Variants in RNLS observed in about 807,000 individuals in gnomAD.
The protein encoded by RNLS is renalase.
In RNLS, 39 loss-of-function variants were observed where a neutral mutation model predicts 39.8. The observed-to-expected ratio is 0.98, with a 90% CI of 0.76 to 1.28. The LOEUF (loss-of-function observed/expected upper bound fraction) is 1.28, where lower values mean the gene tolerates loss of function less well. Among genes scored for constraint, RNLS ranks in the 50% most tolerant of loss-of-function variants. The probability of loss-of-function intolerance (pLI) is 0.00; values close to 1 mark genes in which losing one functional copy is unlikely to be tolerated. For missense variants in RNLS, 410 were observed against 413.3 expected, an observed-to-expected ratio of 0.99 and a Z score of 0.07; for synonymous variants, 147 against 150.7, an observed-to-expected ratio of 0.98 and a Z score of 0.18.
At chr10:88,324,886 G>A (rs1846470360) in intron 5 of RNLS, among the ~76,000 whole-genome samples, 1 of 152,100 alleles carries the variant, frequency 6.6e-6, no homozygotes, top group Admixed American at 6.5e-5. Flanking sequence ...TCGTATAAAT[G>A]GAGTCATACA....
intron 4 of RNLS, among the ~76,000 whole-genome samples, chr10:88,431,570 C>T (rs1020844838): frequency 6.6e-6 from 1 of 151,534 alleles, no homozygotes. Context: ...AATGAGGTTA[C>T]TGATTTGAGA....
At chr10:88,391,395 T>C (rs578005599) in intron 4 of RNLS, among the ~76,000 whole-genome samples, 14 of 152,092 alleles carry the variant, frequency 9.2e-5, no homozygotes, top group Admixed American at 3.9e-4. Context: ...CCATCTCTAC[T>C]AAAAATACAA....
At chr10:88,235,591 A>G in the RNLS span, among the ~76,000 whole-genome samples, 1 of 152,092 alleles carries the variant, frequency 6.6e-6, no homozygotes, top group Non-Finnish European at 1.5e-5. Flanking sequence ...AATTTATACA[A>G]CCCCACTTCA....
intron 4 of RNLS, among the ~76,000 whole-genome samples, chr10:88,513,491 A>C (rs1846251477): frequency 6.6e-6 from 1 of 152,142 alleles, no homozygotes; most frequent in South Asian, 2.1e-4. Flanking sequence ...TCTATAAATA[A>C]TATTTTAGTA....
Position 88,404,252 on chromosome 10 carries a change from A to C in RNLS, c.527-41527T>G, listed in dbSNP as rs539134759. Among the ~76,000 whole-genome samples, 20 of 152,150 alleles carry C rather than the reference A, an allele frequency of 1.3e-4. No homozygotes were observed. In the South Asian group the frequency reaches 2.1e-3, roughly 16 times the overall value. ...TTGAAAGGCTTCAGTGTATTGTAGA[A>C]AGTGCATGCAACTGAGAATCAATTG... is the stretch of plus-strand genomic sequence containing the variant. On this transcript the variant is annotated intron_variant, in intron 4 of 6. Coordinates refer to ENST00000331772, the MANE Select transcript of RNLS (RefSeq NM_001031709.3).
chr10:88,187,837 G>A, the RNLS span, among the ~76,000 whole-genome samples: 37 of 152,114 alleles, frequency 2.4e-4, no homozygotes, highest in Non-Finnish European at 4.7e-4. Context: ...CTTACTTTCT[G>A]ACTCTTTGAC....
intron 6 of RNLS, among the ~76,000 whole-genome samples, chr10:88,287,713 G>A (rs370891316): frequency 1.3e-5 from 2 of 152,048 alleles, no homozygotes; most frequent in Non-Finnish European, 2.9e-5. Flanking sequence ...CGTCTTACAT[G>A]GCAGCAGGCA....
At chr10:88,494,777 A>G (rs1328361775) in intron 4 of RNLS, among the ~76,000 whole-genome samples, 1 of 152,138 alleles carries the variant, frequency 6.6e-6, no homozygotes, top group East Asian at 1.9e-4. Context: ...GTGCCTGCCA[A>G]ATTTAGTGGT....
the RNLS span, among the ~76,000 whole-genome samples, chr10:88,260,768 A>G: frequency 6.6e-6 from 1 of 152,210 alleles, no homozygotes; most frequent in Non-Finnish European, 1.5e-5. Flanking sequence ...TAAAATAATA[A>G]TTTCTTTAAG....
At chr10:88,551,381 C>A (rs1376964081) in intron 4 of RNLS, among the ~76,000 whole-genome samples, 1 of 152,132 alleles carries the variant, frequency 6.6e-6, no homozygotes, top group Non-Finnish European at 1.5e-5. Flanking sequence ...TCAGCTGATA[C>A]AGAAAAATCA....
chr10:88,181,321 C>A, the RNLS span, among the ~76,000 whole-genome samples: 1 of 152,104 alleles, frequency 6.6e-6, no homozygotes, highest in Admixed American at 6.6e-5. Context: ...GAAACAGGGG[C>A]CTATTCTTCC....
the RNLS span, among the ~76,000 whole-genome samples, chr10:88,208,445 A>G: frequency 6.6e-6 from 1 of 152,204 alleles, no homozygotes; most frequent in Non-Finnish European, 1.5e-5. Context: ...TATTAAAAAG[A>G]AAAGCAGTGA....
chr10:88,387,516 A>C (rs1208068746), intron 4 of RNLS, among the ~76,000 whole-genome samples: 1 of 151,902 alleles, frequency 6.6e-6, no homozygotes, highest in East Asian at 1.9e-4. Flanking sequence ...AAAAAAAAAA[A>C]AAAAAAAAGG....
chr10:88,572,767 G>A (rs998457898), intron 4 of RNLS, 136 bp downstream of exon 4: 16 of 845,486 alleles, frequency 1.9e-5, no homozygotes, highest in South Asian at 1.0e-4. Context: ...GACGACGGCC[G>A]TAAGTATCAG....
intron 4 of RNLS, among the ~76,000 whole-genome samples, chr10:88,372,938 G>C (rs1210998208): frequency 6.6e-6 from 1 of 151,946 alleles, no homozygotes; most frequent in South Asian, 2.1e-4. Context: ...TTTTTGTTGG[G>C]AAAAATGCTG....
At chr10:88,215,847 A>G in the RNLS span, among the ~76,000 whole-genome samples, 2 of 151,570 alleles carry the variant, frequency 1.3e-5, no homozygotes, top group African/African-American at 4.8e-5. Context: ...TTACAGGTGC[A>G]CGCCACCATG....
rs186820964 is a variant in RNLS at position 88,334,779 on chromosome 10, T to C, written c.701-20138A>G. ...GCATTTCAACCACAGGTGATTAGTA[T>C]CATCTGAATCTACCCACAGCTCAAT... On this transcript the variant is annotated intron_variant, in intron 5 of 6. Coordinates refer to ENST00000331772, the MANE Select transcript of RNLS (RefSeq NM_001031709.3). Among the ~76,000 whole-genome samples the C allele has an allele frequency of 1.9e-3, 296 of 152,244 alleles. 2 individuals are homozygous for C. Among genetic ancestry groups the C allele is most frequent in the East Asian group, 0.012 (62 of 5,184 alleles).
chr10:88,421,978 ATGTCT>A (rs1316396061), intron 4 of RNLS, among the ~76,000 whole-genome samples: 2 of 152,108 alleles, frequency 1.3e-5, no homozygotes, highest in African/African-American at 4.8e-5. Context: ...TTTGATGTAC[ATGTCT>A]TGTCTTATCT....
the RNLS span, among the ~76,000 whole-genome samples, chr10:88,255,201 C>A: frequency 6.6e-6 from 1 of 152,202 alleles, no homozygotes; most frequent in African/African-American, 2.4e-5. Context: ...TAAGAATTCT[C>A]CTCTTGCCAT....
Sources: allele counts gnomAD v4.1 joint callset (sites outside exome capture counted in the v4.1 genomes callset), GRCh38; gene constraint gnomAD v4.1.1; transcripts MANE v1.5; gene names NCBI Gene and HGNC (gene_info 2026-07-23, HGNC 2026-07-21).